Variants in MPPE1 observed in about 807,000 individuals in gnomAD.
MPPE1 encodes metallo phosphoesterase.
In MPPE1, 28 loss-of-function variants were observed where a neutral mutation model predicts 43.8. That is an observed-to-expected ratio of 0.64 (90% CI 0.47 to 0.88). The LOEUF is 0.88. Among genes scored for constraint, MPPE1 ranks in the 40% least tolerant of loss-of-function variants. MPPE1 has a pLI of 0.00. For synonymous variants in MPPE1, 159 were observed against 188.5 expected (o/e 0.84, Z 1.28); for missense variants, 428 against 492.2 (o/e 0.87, Z 1.23).
intron 2 of MPPE1, among the ~76,000 whole-genome samples, chr18:11,901,196 G>A (rs2039162183): frequency 6.6e-6 from 1 of 151,820 alleles, no homozygotes; most frequent in Admixed American, 6.6e-5. Context: ...CATTAGAATG[G>A]CATTACCTAT....
At chr18:11,906,838 G>C (rs1158162839) in intron 1 of MPPE1, among the ~76,000 whole-genome samples, 3 of 138,478 alleles carry the variant, frequency 2.2e-5, no homozygotes, top group African/African-American at 8.4e-5. Flanking sequence ...TGGGCAACAA[G>C]AGCGAAACTC....
intron 2 of MPPE1, 108 bp from the exon 3 acceptor site, chr18:11,897,464 T>G (rs2038723607): frequency 1.8e-6 from 1 of 566,352 alleles, no homozygotes; most frequent in African/African-American, 1.9e-5. Flanking sequence ...CATTTCCAAA[T>G]TAATCGTCTT....
intron 3 of MPPE1, among the ~76,000 whole-genome samples, chr18:11,894,027 A>G (rs77094707): frequency 0.053 from 8,080 of 152,286 alleles, 411 homozygotes; most frequent in African/African-American, 0.14. Context: ...GGGAGATGAC[A>G]AGAGAAATAG....
intron 10 of MPPE1, chr18:11,885,151 AG>A: frequency 1.1e-6 from 1 of 876,498 alleles, no homozygotes. Context: ...TGAAAATGTT[AG>A]GGTTTCCTCC....
intron 2 of MPPE1, among the ~76,000 whole-genome samples, chr18:11,900,167 C>T (rs1458251055): frequency 1.3e-5 from 2 of 151,948 alleles, no homozygotes; most frequent in Non-Finnish European, 2.9e-5. Context: ...GCCAACCTGG[C>T]AAAACCCCAT....
chr18:11,894,918 A>G (rs570260758), intron 3 of MPPE1, among the ~76,000 whole-genome samples: 152 of 152,306 alleles, frequency 1.0e-3, no homozygotes, highest in Non-Finnish European at 1.9e-3. Context: ...TTTAAACCCT[A>G]CTTGCACAGG....
chr18:11,884,763 G>A, intron 10 of MPPE1, 136 bp from the exon 11 acceptor site: 2 of 1,323,436 alleles, frequency 1.5e-6, no homozygotes, highest in South Asian at 3.0e-5. Context: ...CCTCACCTGA[G>A]ACCAAGGGGG....
chr18:11,897,875 T>G (rs1276097392), intron 2 of MPPE1, among the ~76,000 whole-genome samples: 2 of 152,184 alleles, frequency 1.3e-5, no homozygotes, highest in Non-Finnish European at 2.9e-5. Flanking sequence ...TCCAAGGAAT[T>G]CATTCCACAT....
chr18:11,884,249 GT>G lies in MPPE1; in HGVS notation c.*195del. 2 of 572,952 alleles carry G rather than the reference GT, an allele frequency of 3.5e-6. No individual in the cohort carries two copies. Among genetic ancestry groups the G allele is most frequent in the Non-Finnish European group, 6.2e-6 (2 of 322,710 alleles). The allele number at this position is 572,952 out of a possible 1,614,324, so 35.5% of individuals were successfully genotyped here. On this transcript the variant is annotated 3_prime_UTR_variant, in exon 11 of 11. Coordinates refer to ENST00000588072, the MANE Select transcript of MPPE1 (RefSeq NM_023075.6). ...AATGAGAAAACAGATTTGTTGTAGA[GT>G]ACCTGTCCACTTTTATAGCATGAGA...
rs775014486 is a variant in MPPE1, at chr18:11,886,811, C to T, written c.679-33G>A. ...GTACAAGTCAGGCCATTAATCCGCA[C>T]ACCTGACCCTCATCAAAGGGCAAGA... On this transcript the variant is annotated intron_variant, in intron 7 of 10. Coordinates refer to ENST00000588072, the MANE Select transcript of MPPE1 (RefSeq NM_023075.6). This position sits in a 1 kb window ranked among gnomAD's most constrained non-coding sequence, Gnocchi z 4.1. 1.4e-5 allele frequency: 22 copies of T among 1,604,960 alleles called. No individual in the cohort carries two copies. The highest frequency in any genetic ancestry group is 1.7e-5 in the Non-Finnish European group (20 of 1,174,586).
intron 3 of MPPE1, among the ~76,000 whole-genome samples, chr18:11,894,577 G>C (rs890664656): frequency 6.6e-6 from 1 of 151,920 alleles, no homozygotes; most frequent in South Asian, 2.1e-4. Flanking sequence ...GGTAAATGGC[G>C]ATTTTATTTT....
chr18:11,902,236 G>A (rs1475749576), intron 2 of MPPE1: 2 of 74,776 alleles, frequency 2.7e-5, no homozygotes, highest in Non-Finnish European at 4.5e-5. Context: ...ACATAGAGGA[G>A]AAGCAGCAGT....
At chr18:11,898,242 T>C (rs1297220042) in intron 2 of MPPE1, among the ~76,000 whole-genome samples, 1 of 134,362 alleles carries the variant, frequency 7.4e-6, no homozygotes, top group Non-Finnish European at 1.5e-5. Flanking sequence ...CTAATTTTTG[T>C]ATTTTTTTTA....
Position 11,886,778 on chromosome 18 carries a change from C to T in MPPE1, c.679G>A (p.Ala227Thr), listed in dbSNP as rs1451992454. ...GGTCCACACCGGCTGGAGCCACGTG[C>T]CTGCTGGGTACAAGTCAGGCCATTA... ...VSHRLNCSRE[A>T]RGSSRCGPGP... is the part of the protein sequence containing the mutation. Residue 227 changes from alanine to threonine, a missense_variant and splice_region_variant, in exon 8 of 11, where the codon GCA becomes ACA. Ala to Thr is a moderately conservative substitution (Grantham distance 58). This residue lies in a region of MPPE1 where 379 missense variants were observed against 402.5 expected (regional missense o/e 0.94). Transcript: ENST00000588072. The surrounding 1 kb of genome is among the most constrained non-coding windows in gnomAD (Gnocchi z 4.1). The T allele has an allele frequency of 6.2e-7, 1 of 1,612,616 alleles. No individual in the cohort carries two copies. Among genetic ancestry groups the T allele is most frequent in the Admixed American group, 1.7e-5 (1 of 59,848 alleles).
intron 4 of MPPE1, among the ~76,000 whole-genome samples, chr18:11,892,433 G>C (rs1054561029): frequency 6.6e-6 from 1 of 151,970 alleles, no homozygotes; most frequent in African/African-American, 2.4e-5. Context: ...ACATTGGGAG[G>C]CCGAGGTGGG....
chr18:11,898,940 C>T (rs2038866404), intron 2 of MPPE1, among the ~76,000 whole-genome samples: 1 of 151,486 alleles, frequency 6.6e-6, no homozygotes, highest in Non-Finnish European at 1.5e-5. Flanking sequence ...CAGAATCTCA[C>T]TCTGTCACCC....
At chr18:11,895,698 A>T (rs1055441630) in intron 3 of MPPE1, among the ~76,000 whole-genome samples, 1 of 152,100 alleles carries the variant, frequency 6.6e-6, no homozygotes, top group Admixed American at 6.6e-5. Context: ...ACAAGCGGGC[A>T]TAAAGAGCAA....
At chr18:11,893,687 C>T (rs2038258543) in intron 3 of MPPE1, 111 bp from the exon 4 acceptor site, 1 of 800,526 alleles carries the variant, frequency 1.2e-6, no homozygotes, top group Admixed American at 2.3e-5. Context: ...CTCCTTCTTC[C>T]AGAGCCCCAC....
chr18:11,886,382 C>T lies in MPPE1; in HGVS notation c.867+117G>A. 1 of 1,442,466 alleles carries T rather than the reference C, an allele frequency of 6.9e-7. No individual in the cohort carries two copies. Among genetic ancestry groups the T allele is most frequent in the African/African-American group, 1.4e-5 (1 of 71,380 alleles). 89.4% of individuals were successfully genotyped at this position (1,442,466 alleles called of 1,614,324 possible). A position where few individuals can be genotyped will look rare whatever the true frequency, so the allele number is the denominator to read the frequency against. ...CCACCCCTGTCCCCCCAGGTGATAA[C>T]TAAGTCATGAACGTTTCAGCAAACA... On this transcript the variant is annotated intron_variant, in intron 9 of 10. Coordinates refer to ENST00000588072, the MANE Select transcript of MPPE1 (RefSeq NM_023075.6). This position sits in a 1 kb window ranked among gnomAD's most constrained non-coding sequence, Gnocchi z 4.1.
Sources: allele counts gnomAD v4.1 joint callset (sites outside exome capture counted in the v4.1 genomes callset), GRCh38; gene constraint gnomAD v4.1.1; regional missense constraint gnomAD v4.1.1; non-coding constraint Gnocchi (gnomAD v3.1); transcripts MANE v1.5; gene names NCBI Gene and HGNC (gene_info 2026-07-23, HGNC 2026-07-21).